Variants in RCSD1 observed in about 807,000 individuals in gnomAD.
RCSD1 encodes capZ-interacting protein.
Under a neutral mutation model 42.5 loss-of-function variants are expected in RCSD1, and 26 were observed. The ratio of observed to expected loss-of-function variants is 0.61; its 90% CI spans 0.45 to 0.85. The LOEUF (loss-of-function observed/expected upper bound fraction) is 0.85, where lower values mean the gene tolerates loss of function less well. Ranked by LOEUF, RCSD1 falls within the 40% of genes least tolerant of loss-of-function variation. The pLI, the probability that RCSD1 is intolerant of heterozygous loss-of-function variation, is 0.00. For missense variants in RCSD1, 571 were observed against 528.3 expected, an observed-to-expected ratio of 1.08 and a Z score of -0.79; for synonymous variants, 220 against 212.2, an observed-to-expected ratio of 1.04 and a Z score of -0.32.
In RCSD1 at chr1:167,697,698, C is replaced by A. The variant is rs149306991; in HGVS notation, c.1074C>A (p.Gly358=). The A allele has an allele frequency of 6.2e-7, 1 of 1,600,804 alleles. No individual in the cohort carries two copies. The highest frequency in any genetic ancestry group is 8.5e-7 in the Non-Finnish European group (1 of 1,174,402). ...TPHSPPGGVK[G]GDVPKQEKGK... ...ACAGTCCCCCTGGAGGAGTGAAGGGCGGAGATGTCCCCAAGCAGGAAAAAG... is the reference window on the plus strand; with the variant it reads ...ACAGTCCCCCTGGAGGAGTGAAGGGAGGAGATGTCCCCAAGCAGGAAAAAG... Residue 358 remains glycine, a synonymous_variant, in exon 6 of 7, where the codon GGC becomes GGA. Coordinates refer to ENST00000367854, the MANE Select transcript of RCSD1 (RefSeq NM_052862.4).
intron 1 of RCSD1, among the ~76,000 whole-genome samples, chr1:167,634,409 ATGTT>A (rs1393681783): frequency 6.6e-6 from 1 of 151,796 alleles, no homozygotes; most frequent in Admixed American, 6.6e-5. Flanking sequence ...GTGTTTAGAT[ATGTT>A]GGTTTTGATT....
chr1:167,693,364 G>A (rs1022666836), intron 4 of RCSD1, among the ~76,000 whole-genome samples: 32 of 152,222 alleles, frequency 2.1e-4, no homozygotes, highest in African/African-American at 7.5e-4. Context: ...CCAAACTCAA[G>A]ACTCCCTGAG....
At chr1:167,636,879 C>T (rs182125089) in intron 1 of RCSD1, among the ~76,000 whole-genome samples, 1 of 152,176 alleles carries the variant, frequency 6.6e-6, no homozygotes, top group Non-Finnish European at 1.5e-5. Flanking sequence ...CACGCCTGGC[C>T]CATGCACTAG....
intron 1 of RCSD1, chr1:167,640,713 G>A (rs1890128): frequency 0.039 from 5,974 of 152,214 alleles, 146 homozygotes; most frequent in African/African-American, 0.062. Context: ...CCACACCCAG[G>A]TAATGTTTGT....
intron 1 of RCSD1, among the ~76,000 whole-genome samples, chr1:167,673,694 T>G (rs1432571654): frequency 6.6e-6 from 1 of 152,216 alleles, no homozygotes; most frequent in Non-Finnish European, 1.5e-5. Context: ...ACAAGCCACA[T>G]CTTTCAATTT....
At chr1:167,639,053 T>TA (rs763832081) in intron 1 of RCSD1, among the ~76,000 whole-genome samples, 11 of 152,004 alleles carry the variant, frequency 7.2e-5, no homozygotes, top group South Asian at 2.1e-4. Flanking sequence ...CCATCTCTAC[T>TA]AAAAATACAA....
chr1:167,630,457 G>T, intron 1 of RCSD1, 28 bp downstream of exon 1: 1 of 1,529,388 alleles, frequency 6.5e-7, no homozygotes, highest in Admixed American at 2.0e-5. Flanking sequence ...GAGACGCGGG[G>T]CTGAGCGGTG....
intron 1 of RCSD1, chr1:167,664,982 G>A (rs1209706506): frequency 1.3e-5 from 2 of 151,238 alleles, no homozygotes. Context: ...AGGTTGCAGT[G>A]AGCCGAGATC....
chr1:167,665,385 T>A (rs549173913), intron 1 of RCSD1, among the ~76,000 whole-genome samples: 2 of 152,370 alleles, frequency 1.3e-5, no homozygotes, highest in African/African-American at 4.8e-5. Context: ...ATTTGAGTTA[T>A]TTCTAGGTCT....
intron 6 of RCSD1, among the ~76,000 whole-genome samples, chr1:167,700,668 A>G (rs1279740967): frequency 6.6e-6 from 1 of 151,176 alleles, no homozygotes; most frequent in African/African-American, 2.4e-5. Context: ...AAAAAAAAGC[A>G]CAACAACAAC....
intron 6 of RCSD1, among the ~76,000 whole-genome samples, chr1:167,703,168 T>C (rs1204649272): frequency 6.6e-6 from 1 of 152,214 alleles, no homozygotes; most frequent in Admixed American, 6.5e-5. Context: ...GACTCAGTTC[T>C]TGGCCCTATT....
chr1:167,667,824 T>C (rs1658695647), intron 1 of RCSD1, among the ~76,000 whole-genome samples: 1 of 152,218 alleles, frequency 6.6e-6, no homozygotes, highest in African/African-American at 2.4e-5. Context: ...TCCCTCACAA[T>C]GTTGCCCCAG....
chr1:167,670,370 A>AAC (rs1340374439), intron 1 of RCSD1, among the ~76,000 whole-genome samples: 4 of 151,216 alleles, frequency 2.6e-5, no homozygotes, highest in Non-Finnish European at 5.9e-5. Context: ...AAAAAAAAAA[A>AAC]AAACCACTCG....
intron 6 of RCSD1, among the ~76,000 whole-genome samples, chr1:167,700,022 A>G (rs1659600332): frequency 6.6e-6 from 1 of 152,136 alleles, no homozygotes; most frequent in Non-Finnish European, 1.5e-5. Context: ...GTATTTTTTA[A>G]TTGTATTTCT....
chr1:167,687,534 A>AG (rs904928001), intron 3 of RCSD1, among the ~76,000 whole-genome samples: 4 of 151,958 alleles, frequency 2.6e-5, no homozygotes, highest in African/African-American at 7.3e-5. Context: ...AAAAAAAAAA[A>AG]AAAAGAAAAG....
chr1:167,697,752 G>A lies in RCSD1; in HGVS notation c.1128G>A (p.Val376=). The A allele has an allele frequency of 6.5e-7, 1 of 1,541,544 alleles. No individual in the cohort carries two copies. The highest frequency in any genetic ancestry group is 8.7e-7 in the Non-Finnish European group (1 of 1,146,144). The change falls in exon 6 of 7, where the codon GTG becomes GTA. Residue 376 remains valine (V), a synonymous_variant. Transcript: ENST00000367854. The stretch of plus-strand genomic sequence containing the variant: ...AGGAAAAACAACAGGAGGGGGCAGT[G>A]CTCGAGCCAGGCTGCAGCCCCCAGA... ...KGKEKQQEGA[V]LEPGCSPQTG...
intron 1 of RCSD1, among the ~76,000 whole-genome samples, chr1:167,669,721 T>G (rs1005171710): frequency 6.6e-6 from 1 of 152,204 alleles, no homozygotes; most frequent in African/African-American, 2.4e-5. Flanking sequence ...AAAATTTGTC[T>G]TGACTGATGG....
At chr1:167,677,416 T>C (rs1658978790) in intron 1 of RCSD1, among the ~76,000 whole-genome samples, 2 of 152,228 alleles carry the variant, frequency 1.3e-5, no homozygotes, top group African/African-American at 2.4e-5. Flanking sequence ...AGGTCTTTAT[T>C]CAGAAAGTTT....
chr1:167,686,254 C>A (rs1195085356), intron 3 of RCSD1, among the ~76,000 whole-genome samples: 1 of 152,170 alleles, frequency 6.6e-6, no homozygotes, highest in African/African-American at 2.4e-5. Flanking sequence ...GGGAGGCCAA[C>A]CCCAAAATAC....
Sources: allele counts gnomAD v4.1 joint callset (sites outside exome capture counted in the v4.1 genomes callset), GRCh38; gene constraint gnomAD v4.1.1; transcripts MANE v1.5; gene names NCBI Gene and HGNC (gene_info 2026-07-23, HGNC 2026-07-21).